The following GALNT14 variants were observed in gnomAD, a reference collection of about 807,000 sequenced individuals.
The protein encoded by GALNT14 is polypeptide N-acetylgalactosaminyltransferase 14, also known as UDP-GalNAc:polypeptide N-acetylgalactosaminyltransferase 14.
GALNT14 carries 60 observed loss-of-function variants against 77.5 expected under a neutral mutation model. The ratio of observed to expected loss-of-function variants is 0.77; its 90% CI spans 0.63 to 0.96. GALNT14 has a LOEUF of 0.96. GALNT14 is among the 40% of genes least tolerant of loss of function. GALNT14 has a pLI of 0.00. For missense variants in GALNT14, 710 were observed against 731.0 expected, an observed-to-expected ratio of 0.97 and a Z score of 0.33; for synonymous variants, 280 against 281.7, an observed-to-expected ratio of 0.99 and a Z score of 0.06.
At chr2:31,049,182 C>T (rs1362777592) in intron 1 of GALNT14, among the ~76,000 whole-genome samples, 2 of 152,186 alleles carry the variant, frequency 1.3e-5, no homozygotes, top group African/African-American at 4.8e-5. Flanking sequence ...CAGATGTGGC[C>T]TCTGTCTGTC....
At chr2:30,936,103 T>C (rs1666041501) in intron 9 of GALNT14, among the ~76,000 whole-genome samples, 1 of 152,196 alleles carries the variant, frequency 6.6e-6, no homozygotes, top group African/African-American at 2.4e-5. Context: ...TCCATCCTCA[T>C]CGGGGCACTG....
intron 13 of GALNT14, among the ~76,000 whole-genome samples, chr2:30,916,381 G>T (rs1664678306): frequency 6.6e-6 from 1 of 152,194 alleles, no homozygotes; most frequent in Non-Finnish European, 1.5e-5. Context: ...ATGAGAATAA[G>T]CAGCTCAACC....
chr2:31,073,091 T>A (rs1558548282), intron 1 of GALNT14: 1 of 152,310 alleles, frequency 6.6e-6, no homozygotes, highest in Admixed American at 6.5e-5. Context: ...GCTTCCAATC[T>A]GGACTCAAAC....
chr2:30,909,655 T>C (rs1178589221), downstream of GALNT14, among the ~76,000 whole-genome samples: 5 of 151,940 alleles, frequency 3.3e-5, no homozygotes, highest in Non-Finnish European at 7.4e-5. Context: ...AGTGTGGCGA[T>C]TCCTCAGGGA....
chr2:31,060,501 A>G (rs1269452540), intron 1 of GALNT14, among the ~76,000 whole-genome samples: 1 of 152,222 alleles, frequency 6.6e-6, no homozygotes, highest in Admixed American at 6.5e-5. Flanking sequence ...AATAGACTGA[A>G]TCAGCCTTCA....
At chr2:30,926,962 G>A (rs1665424228) in intron 11 of GALNT14, among the ~76,000 whole-genome samples, 1 of 152,188 alleles carries the variant, frequency 6.6e-6, no homozygotes, top group South Asian at 2.1e-4. Flanking sequence ...ATGTTGGACT[G>A]AAGGAGGGTT....
intron 1 of GALNT14, among the ~76,000 whole-genome samples, chr2:31,027,415 C>T (rs77239061): frequency 7.2e-4 from 103 of 142,522 alleles, no homozygotes; most frequent in Non-Finnish European, 1.3e-3. Flanking sequence ...AAAACTCCAA[C>T]TCAAAACAAA....
At chr2:31,035,868 G>T (rs1672711185) in intron 1 of GALNT14, among the ~76,000 whole-genome samples, 4 of 151,974 alleles carry the variant, frequency 2.6e-5, no homozygotes. Context: ...TAGGGTGGAT[G>T]GTGGGAGGGG....
chr2:31,041,297 T>A (rs1278863855), intron 1 of GALNT14, among the ~76,000 whole-genome samples: 3 of 152,010 alleles, frequency 2.0e-5, no homozygotes, highest in Non-Finnish European at 2.9e-5. Context: ...AAAAGAGATA[T>A]GTGTTATAAA....
At chr2:30,913,682 G>A (rs1464080975) in intron 13 of GALNT14, among the ~76,000 whole-genome samples, 1 of 152,108 alleles carries the variant, frequency 6.6e-6, no homozygotes, top group African/African-American at 2.4e-5. Context: ...GGGACTCACC[G>A]GCCTAGTGGG....
At chr2:31,047,459 G>A (rs190003675) in intron 1 of GALNT14, among the ~76,000 whole-genome samples, 50 of 152,326 alleles carry the variant, frequency 3.3e-4, no homozygotes, top group Admixed American at 3.0e-3. Flanking sequence ...CAGGGCCACA[G>A]ATTCCCATTT....
the GALNT14 span, among the ~76,000 whole-genome samples, chr2:30,902,325 T>G: frequency 6.6e-6 from 1 of 152,208 alleles, no homozygotes; most frequent in Non-Finnish European, 1.5e-5. Flanking sequence ...TGCACAGTTG[T>G]AGAGATTCCT....
chr2:30,945,972 G>A, intron 6 of GALNT14, 102 bp from the exon 7 acceptor site: 3 of 911,326 alleles, frequency 3.3e-6, no homozygotes, highest in Non-Finnish European at 5.3e-6. Context: ...GATGAGTTTT[G>A]TGGCCTTCAT....
intron 1 of GALNT14, among the ~76,000 whole-genome samples, chr2:31,017,948 T>C (rs942891616): frequency 1.3e-5 from 2 of 152,228 alleles, no homozygotes; most frequent in South Asian, 4.1e-4. Context: ...GCACCTGTAG[T>C]TATGGTGACA....
intron 10 of GALNT14, among the ~76,000 whole-genome samples, chr2:30,931,797 T>C (rs952464360): frequency 3.9e-5 from 6 of 152,032 alleles, no homozygotes; most frequent in Non-Finnish European, 7.4e-5. Flanking sequence ...CAGGAGGGCA[T>C]TGATGGGTGA....
At chr2:30,906,315 C>T (rs1475063772), downstream of GALNT14, among the ~76,000 whole-genome samples, 1 of 150,728 alleles carries the variant, frequency 6.6e-6, no homozygotes, top group Non-Finnish European at 1.5e-5. Context: ...GGAAACCCAT[C>T]TCACGTGCAG....
intron 1 of GALNT14, among the ~76,000 whole-genome samples, chr2:31,128,979 A>C (rs57174846): frequency 3.4e-5 from 3 of 87,268 alleles, no homozygotes; most frequent in East Asian, 2.6e-4. Context: ...AAAAAAAAAA[A>C]AACACACAAA....
chr2:31,023,844 G>C (rs145699204), intron 1 of GALNT14, among the ~76,000 whole-genome samples: 6 of 152,240 alleles, frequency 3.9e-5, no homozygotes, highest in South Asian at 2.1e-4. Flanking sequence ...AAGCGTTCCA[G>C]TTGTGCATCC....
chr2:30,970,640 T>C (rs918861068), intron 2 of GALNT14, among the ~76,000 whole-genome samples: 4 of 152,032 alleles, frequency 2.6e-5, no homozygotes, highest in African/African-American at 9.7e-5. Context: ...ACCAGGTGTG[T>C]GTCAGTAATG....
Sources: gnomAD v4.1 joint callset for allele counts (sites outside exome capture counted in the v4.1 genomes callset) on GRCh38, gnomAD v4.1.1 for gene constraint, MANE v1.5 for transcripts, NCBI Gene and HGNC (gene_info 2026-07-23, HGNC 2026-07-21) for gene names.